Variants in THSD4 observed in about 807,000 individuals in gnomAD.
THSD4 encodes thrombospondin type-1 domain-containing protein 4.
In THSD4, 69 loss-of-function variants were observed where a neutral mutation model predicts 119.0. The ratio of observed to expected loss-of-function variants is 0.58; its 90% CI spans 0.48 to 0.71. The LOEUF (loss-of-function observed/expected upper bound fraction) is 0.71, where lower values mean the gene tolerates loss of function less well. Ranked by LOEUF, THSD4 falls within the 30% of genes least tolerant of loss-of-function variation. THSD4 has a pLI of 0.00. For synonymous variants in THSD4, 524 were observed against 540.4 expected (o/e 0.97, Z 0.42); for missense variants, 1,393 against 1,391.1 (o/e 1.00, Z -0.02).
chr15:71,189,379 A>G (rs2043646828), intron 3 of THSD4, among the ~76,000 whole-genome samples: 1 of 152,210 alleles, frequency 6.6e-6, no homozygotes, highest in Admixed American at 6.5e-5. Flanking sequence ...TGCTTAAAAA[A>G]TACGTTTCTG....
intron 7 of THSD4, among the ~76,000 whole-genome samples, chr15:71,415,504 C>T (rs537756269): frequency 2.6e-5 from 4 of 152,240 alleles, no homozygotes; most frequent in Middle Eastern, 3.4e-3. Flanking sequence ...ATGGGGTATC[C>T]ATCCCCTCAA....
At chr15:71,600,730 C>CTTT (rs774794883) in intron 7 of THSD4, among the ~76,000 whole-genome samples, 12 of 147,568 alleles carry the variant, frequency 8.1e-5, no homozygotes, top group African/African-American at 3.1e-4. Context: ...TCATGCCTGT[C>CTTT]TTTTTTTTTC....
chr15:71,624,403 A>G (rs2050472063), intron 7 of THSD4, among the ~76,000 whole-genome samples: 1 of 152,240 alleles, frequency 6.6e-6, no homozygotes, highest in South Asian at 2.1e-4. Context: ...TCAATTTGTA[A>G]ACACTTTAAA....
At chr15:71,278,612 C>T (rs1268374301) in intron 6 of THSD4, among the ~76,000 whole-genome samples, 1 of 152,160 alleles carries the variant, frequency 6.6e-6, no homozygotes, top group Non-Finnish European at 1.5e-5. Context: ...AATCTTACTG[C>T]AGATGCTGTT....
chr15:71,664,592 G>A (rs1213542750), intron 8 of THSD4, among the ~76,000 whole-genome samples: 3 of 152,020 alleles, frequency 2.0e-5, no homozygotes, highest in Admixed American at 1.3e-4. Flanking sequence ...TGTACAGATT[G>A]TGTCACCCAG....
intron 6 of THSD4, among the ~76,000 whole-genome samples, chr15:71,382,105 A>G (rs781570289): frequency 6.6e-6 from 1 of 152,152 alleles, no homozygotes; most frequent in Non-Finnish European, 1.5e-5. Flanking sequence ...AAGGTATTTT[A>G]AGGACAAATA....
Position 71,777,437 on chromosome 15 carries a change from C to T in THSD4, c.*63C>T. On this transcript the variant is annotated 3_prime_UTR_variant, in exon 18 of 18. Transcript: ENST00000261862. ...CTTCCCGGGGGCTTCAGCAGTGCGCCTGGCTGGCTGCTGCTCCACCACGGG... is the reference window on the plus strand; with the variant it reads ...CTTCCCGGGGGCTTCAGCAGTGCGCTTGGCTGGCTGCTGCTCCACCACGGG... The T allele has an allele frequency of 6.5e-7, 1 of 1,547,946 alleles. No individual in the cohort carries two copies. Among genetic ancestry groups the T allele is most frequent in the South Asian group, 1.2e-5 (1 of 85,486 alleles).
intron 6 of THSD4, among the ~76,000 whole-genome samples, chr15:71,349,052 A>G (rs1174730460): frequency 1.3e-5 from 2 of 152,234 alleles, no homozygotes; most frequent in East Asian, 3.9e-4. Flanking sequence ...TCACAAGTCC[A>G]TGCCATCTGC....
At chr15:71,673,651 A>G (rs1017448282) in intron 8 of THSD4, among the ~76,000 whole-genome samples, 1 of 152,182 alleles carries the variant, frequency 6.6e-6, no homozygotes, top group Non-Finnish European at 1.5e-5. Flanking sequence ...CCTTCTGCAC[A>G]CTGCTTTAAA....
chr15:71,692,326 C>T (rs2052071079), intron 8 of THSD4, among the ~76,000 whole-genome samples: 1 of 152,184 alleles, frequency 6.6e-6, no homozygotes, highest in East Asian at 1.9e-4. Flanking sequence ...ACTATGATTC[C>T]AGAGCATCCC....
rs972267467 is a variant in THSD4 at position 71,485,218 on chromosome 15, G to A, written c.1152+73395G>A. 7.9e-5 allele frequency among the ~76,000 whole-genome samples: 12 copies of A among 152,144 alleles called. No homozygotes were observed. In the South Asian group the frequency reaches 1.5e-3, roughly 18 times the overall value. The stretch of plus-strand genomic sequence containing the variant: ...ATGTATTTCTGTTCTGCCATTATTC[G>A]TCTGACCTGGTCATCTGCATGGTAT... On this transcript the variant is annotated intron_variant, in intron 7 of 17. Transcript: ENST00000261862.
chr15:71,766,107 G>A (rs1460900785), intron 16 of THSD4, among the ~76,000 whole-genome samples: 4 of 152,048 alleles, frequency 2.6e-5, no homozygotes, highest in Non-Finnish European at 2.9e-5. Flanking sequence ...GAAATAGTGT[G>A]TAAATGAAGA....
chr15:71,355,302 G>A (rs916797918), intron 6 of THSD4, among the ~76,000 whole-genome samples: 2 of 152,216 alleles, frequency 1.3e-5, no homozygotes, highest in African/African-American at 4.8e-5. Context: ...TCATCAAGGA[G>A]CTCTTCTTTA....
chr15:71,215,217 C>T lies in THSD4; in HGVS notation c.282C>T (p.Gly94=), dbSNP rs112104417. ...SYRLRGGQRP[G]APARAFADHV... The stretch of plus-strand genomic sequence containing the variant: ...GCCTGCGCGGCGGCCAGCGGCCTGG[C>T]GCCCCTGCGCGCGCCTTCGCGGACC... Residue 94 remains glycine, a synonymous_variant, in exon 4 of 18, where the codon GGC becomes GGT. Coordinates refer to ENST00000261862, the MANE Select transcript of THSD4 (RefSeq NM_024817.3). The T allele has an allele frequency of 3.5e-3, 4,820 of 1,377,654 alleles. 159 individuals carry two copies. In the African/African-American group the frequency reaches 0.066, roughly 19 times the overall value. The allele number at this position is 1,377,654 out of a possible 1,614,324, so 85.3% of individuals were successfully genotyped here.
chr15:71,638,065 G>C (rs938799360), intron 7 of THSD4, among the ~76,000 whole-genome samples: 2 of 152,128 alleles, frequency 1.3e-5, no homozygotes, highest in African/African-American at 4.8e-5. Flanking sequence ...TACCTTAAAA[G>C]GGGCTAAGAT....
At chr15:71,163,523 A>G (rs1357473858) in intron 3 of THSD4, among the ~76,000 whole-genome samples, 1 of 152,150 alleles carries the variant, frequency 6.6e-6, no homozygotes, top group African/African-American at 2.4e-5. Flanking sequence ...ATGACTAATG[A>G]TGAGTTTGTT....
At chr15:71,403,565 T>A (rs1596405144) in intron 6 of THSD4, among the ~76,000 whole-genome samples, 2 of 152,218 alleles carry the variant, frequency 1.3e-5, no homozygotes, top group South Asian at 4.1e-4. Flanking sequence ...CTTGTACTCT[T>A]ACAAGTCTTT....
chr15:71,110,110 C>G (rs1214073776), intron 1 of THSD4: 2 of 152,220 alleles, frequency 1.3e-5, no homozygotes, highest in Admixed American at 1.3e-4. Flanking sequence ...GCTGAGCTCT[C>G]CCACCCTGCT....
chr15:71,190,644 A>G (rs2043662978), intron 3 of THSD4, among the ~76,000 whole-genome samples: 1 of 152,142 alleles, frequency 6.6e-6, no homozygotes, highest in African/African-American at 2.4e-5. Context: ...AGAAGCAGCC[A>G]AAGGCCTGTT....
Sources: allele counts gnomAD v4.1 joint callset (sites outside exome capture counted in the v4.1 genomes callset), GRCh38; gene constraint gnomAD v4.1.1; transcripts MANE v1.5; gene names NCBI Gene and HGNC (gene_info 2026-07-23, HGNC 2026-07-21).